Variants in RBMS3 observed in about 807,000 individuals in gnomAD.
RBMS3 encodes RNA-binding motif, single-stranded-interacting protein 3.
In RBMS3, 27 loss-of-function variants were observed where a neutral mutation model predicts 66.8. That is an observed-to-expected ratio of 0.40 (90% confidence interval 0.30 to 0.56). The LOEUF (loss-of-function observed/expected upper bound fraction) is 0.56, where lower values mean the gene tolerates loss of function less well. RBMS3 is among the 20% of genes least tolerant of loss of function. The pLI, the probability that RBMS3 is intolerant of heterozygous loss-of-function variation, is 0.40. For synonymous variants in RBMS3, 188 were observed against 183.0 expected (o/e 1.03, Z -0.22); for missense variants, 513 against 549.5 (o/e 0.93, Z 0.66).
intron 11 of RBMS3, among the ~76,000 whole-genome samples, chr3:29,937,366 A>G (rs2149691024): frequency 6.6e-6 from 1 of 152,140 alleles, no homozygotes; most frequent in East Asian, 1.9e-4. Context: ...TATGCACACT[A>G]GTTGTGTATC....
chr3:29,924,465 A>C (rs1270041641), intron 10 of RBMS3, among the ~76,000 whole-genome samples: 1 of 152,092 alleles, frequency 6.6e-6, no homozygotes, highest in Admixed American at 6.6e-5. Flanking sequence ...AGAGAGTATT[A>C]AAAAATAAAT....
At chr3:29,765,319 T>G (rs2055875705) in intron 6 of RBMS3, among the ~76,000 whole-genome samples, 1 of 151,972 alleles carries the variant, frequency 6.6e-6, no homozygotes, top group Non-Finnish European at 1.5e-5. Context: ...AATGTATGTC[T>G]TAACCAATAT....
intron 1 of RBMS3, among the ~76,000 whole-genome samples, chr3:29,363,890 G>A (rs2037752726): frequency 1.3e-5 from 2 of 151,260 alleles, no homozygotes; most frequent in African/African-American, 4.9e-5. Flanking sequence ...CTATCAAATA[G>A]GATAGAAATT....
In RBMS3 at chr3:29,442,029, T is replaced by C. The variant is rs545150779; in HGVS notation, c.248+7114T>C. ...ACATGGATAATAAAGCCCTGGAATA[T>C]GCCTCTAGAAGTGTTTTCAAGGATG... On this transcript the variant is annotated intron_variant, in intron 2 of 14. Coordinates refer to ENST00000383767, the MANE Select transcript of RBMS3 (RefSeq NM_001003793.3). Among the ~76,000 whole-genome samples, 3 of 152,302 alleles carry C rather than the reference T, an allele frequency of 2.0e-5. No individual in the cohort carries two copies. In the East Asian group the frequency reaches 5.8e-4, roughly 29 times the overall value.
intron 4 of RBMS3, among the ~76,000 whole-genome samples, chr3:29,635,415 C>A (rs1291606030): frequency 6.6e-6 from 1 of 151,738 alleles, no homozygotes; most frequent in Non-Finnish European, 1.5e-5. Flanking sequence ...TTAAATATAC[C>A]CTGACCGAAT....
chr3:29,629,590 T>C (rs981167843), intron 4 of RBMS3, among the ~76,000 whole-genome samples: 4 of 152,082 alleles, frequency 2.6e-5, no homozygotes, highest in Non-Finnish European at 5.9e-5. Context: ...GATAGCATGG[T>C]TTTTAAATAC....
rs1462881251 is a variant in RBMS3, at chr3:30,004,847, C to T, written c.*985C>T. The T allele has an allele frequency of 1.4e-5, 2 of 147,086 alleles. No homozygotes were observed. The highest frequency in any genetic ancestry group is 3.0e-5 in the Non-Finnish European group (2 of 66,888). 9.1% of individuals were successfully genotyped at this position (147,086 alleles called of 1,614,324 possible). On this transcript the variant is annotated 3_prime_UTR_variant, in exon 15 of 15. Transcript: ENST00000383767. Reference sequence around the variant, plus strand: ...TTATGAGCTTTACAAAGTTTTTAGTCAGCTTTGCTTGTCACATTGCAAAAC... The same window carrying T: ...TTATGAGCTTTACAAAGTTTTTAGTTAGCTTTGCTTGTCACATTGCAAAAC...
chr3:29,809,450 A>T (rs1049367257), intron 6 of RBMS3, among the ~76,000 whole-genome samples: 1 of 151,944 alleles, frequency 6.6e-6, no homozygotes, highest in Non-Finnish European at 1.5e-5. Context: ...GCGCATGCAC[A>T]TGTATGTATA....
chr3:29,478,973 C>T (rs2043041783), intron 2 of RBMS3, among the ~76,000 whole-genome samples: 1 of 152,128 alleles, frequency 6.6e-6, no homozygotes, highest in Non-Finnish European at 1.5e-5. Flanking sequence ...AAACCTTACA[C>T]ATGTTTTTTT....
chr3:29,822,531 C>T (rs574969763), intron 6 of RBMS3, among the ~76,000 whole-genome samples: 300 of 152,174 alleles, frequency 2.0e-3, no homozygotes, highest in African/African-American at 6.9e-3. Flanking sequence ...GGAGACACTT[C>T]GATTATTTTG....
chr3:29,351,219 A>G (rs1015673347), intron 1 of RBMS3, among the ~76,000 whole-genome samples: 11 of 152,112 alleles, frequency 7.2e-5, no homozygotes, highest in Non-Finnish European at 1.2e-4. Flanking sequence ...CGTGATGAAC[A>G]TTTTCCTGCA....
At chr3:29,619,115 A>T (rs1399287287) in intron 4 of RBMS3, among the ~76,000 whole-genome samples, 1 of 152,062 alleles carries the variant, frequency 6.6e-6, no homozygotes, top group Non-Finnish European at 1.5e-5. Flanking sequence ...ACATGGACAC[A>T]GGGAGGGGAA....
intron 6 of RBMS3, among the ~76,000 whole-genome samples, chr3:29,813,708 T>C (rs944058542): frequency 6.6e-6 from 1 of 152,154 alleles, no homozygotes; most frequent in African/African-American, 2.4e-5. Flanking sequence ...CCCTTATAAG[T>C]TGGATTCCTA....
At chr3:30,000,727 T>G (rs985746003) in intron 14 of RBMS3, among the ~76,000 whole-genome samples, 14 of 152,186 alleles carry the variant, frequency 9.2e-5, no homozygotes, top group Non-Finnish European at 1.9e-4. Flanking sequence ...GATGAGTTCA[T>G]GTCCTTTGTA....
chr3:29,423,337 T>A (rs1357591467), intron 1 of RBMS3, among the ~76,000 whole-genome samples: 1 of 152,204 alleles, frequency 6.6e-6, no homozygotes, highest in Non-Finnish European at 1.5e-5. Context: ...AAAGAGAAAA[T>A]ACACCTTTTC....
intron 4 of RBMS3, among the ~76,000 whole-genome samples, chr3:29,587,956 A>G (rs1192407176): frequency 6.6e-6 from 1 of 152,070 alleles, no homozygotes; most frequent in Non-Finnish European, 1.5e-5. Context: ...GGTGGTTACA[A>G]GAATCTATAC....
chr3:29,929,606 C>A (rs1306860614), intron 10 of RBMS3, among the ~76,000 whole-genome samples: 5 of 151,762 alleles, frequency 3.3e-5, no homozygotes, highest in Non-Finnish European at 5.9e-5. Flanking sequence ...AAAAATACTT[C>A]CAGTTACTAG....
chr3:29,801,677 A>ATGTT lies in RBMS3; in HGVS notation c.637+38689_637+38690insGTTT, dbSNP rs1415873960. ...TTTTCTCTGCCATAAAAGGAAAAAC[A>ATGTT]TTCTAAGGCAAATTCCTTCTCACTG... On this transcript the variant is annotated intron_variant, in intron 6 of 14. Transcript: ENST00000383767. Among the ~76,000 whole-genome samples, 10 of 152,316 alleles carry ATGTT rather than the reference A, an allele frequency of 6.6e-5. No homozygotes were observed. In the East Asian group the frequency reaches 1.7e-3, roughly 26 times the overall value.
intron 10 of RBMS3, among the ~76,000 whole-genome samples, chr3:29,930,109 C>CTTTCTTTCTTTTTTTTTTTTTTATTTTT (rs71091082): frequency 2.3e-5 from 1 of 43,556 alleles, no homozygotes; most frequent in East Asian, 7.8e-4. Flanking sequence ...TTCTTTCTTT[C>CTTTCTTTCTTTTTTTTTTTTTTATTTTT]TTTTTTTTTT....
Sources: gnomAD v4.1 joint callset for allele counts (sites outside exome capture counted in the v4.1 genomes callset) on GRCh38, gnomAD v4.1.1 for gene constraint, MANE v1.5 for transcripts, NCBI Gene and HGNC (gene_info 2026-07-23, HGNC 2026-07-21) for gene names.